UNC13C: variants seen among roughly 807,000 people sequenced by gnomAD.
The protein encoded by UNC13C is unc-13 homolog C.
UNC13C carries 174 observed loss-of-function variants against 245.4 expected under a neutral mutation model. The observed-to-expected ratio is 0.71, with a 90% CI of 0.63 to 0.80. The LOEUF (loss-of-function observed/expected upper bound fraction) is 0.80. UNC13C is among the 30% of genes least tolerant of loss of function. The probability of loss-of-function intolerance (pLI) is 0.00; values close to 1 mark genes in which losing one functional copy is unlikely to be tolerated. For missense variants in UNC13C, 2,829 were observed against 2,602.9 expected, an observed-to-expected ratio of 1.09 and a Z score of -1.89; for synonymous variants, 992 against 895.1, an observed-to-expected ratio of 1.11 and a Z score of -1.93.
the UNC13C span, among the ~76,000 whole-genome samples, chr15:53,842,900 TTA>T: frequency 0.1 from 14,580 of 145,890 alleles, 920 homozygotes; most frequent in Admixed American, 0.2. Flanking sequence ...ATTTTAAGTT[TTA>T]TATATATATA....
At chr15:54,106,977 G>A (rs1900480240) in intron 2 of UNC13C, among the ~76,000 whole-genome samples, 1 of 152,226 alleles carries the variant, frequency 6.6e-6, no homozygotes, top group South Asian at 2.1e-4. Context: ...TACTTTCAAA[G>A]TGAAGTTACA....
the UNC13C span, among the ~76,000 whole-genome samples, chr15:53,942,726 A>C: frequency 6.6e-6 from 1 of 152,184 alleles, no homozygotes; most frequent in South Asian, 2.1e-4. Flanking sequence ...TGCAGTGGCG[A>C]GATCTTGGCT....
At chr15:54,444,870 G>A (rs1890720819) in intron 19 of UNC13C, among the ~76,000 whole-genome samples, 1 of 151,604 alleles carries the variant, frequency 6.6e-6, no homozygotes, top group African/African-American at 2.4e-5. Context: ...CAACGTGCAG[G>A]TTTGTTACAT....
intron 13 of UNC13C, among the ~76,000 whole-genome samples, chr15:54,317,211 T>A (rs2038030564): frequency 1.3e-5 from 2 of 152,012 alleles, no homozygotes; most frequent in African/African-American, 4.8e-5. Context: ...GAATGTAAGT[T>A]GGACATTACT....
intron 17 of UNC13C, among the ~76,000 whole-genome samples, chr15:54,364,921 A>G (rs2039328823): frequency 6.6e-6 from 1 of 152,218 alleles, no homozygotes; most frequent in African/African-American, 2.4e-5. Flanking sequence ...GGGCATAACC[A>G]CTGTGCAGAT....
chr15:54,203,210 C>G (rs751711821), intron 4 of UNC13C, among the ~76,000 whole-genome samples: 8 of 151,646 alleles, frequency 5.3e-5, no homozygotes, highest in Non-Finnish European at 8.8e-5. Flanking sequence ...GAAAAGGGAA[C>G]ATTTTTACAC....
chr15:54,265,255 A>G (rs1463568690), intron 9 of UNC13C, 100 bp from the exon 10 acceptor site: 1 of 1,007,426 alleles, frequency 9.9e-7, no homozygotes, highest in Non-Finnish European at 1.3e-6. Context: ...ATGCATCTAT[A>G]AGCCCAAAGA....
chr15:53,921,534 G>A, the UNC13C span, among the ~76,000 whole-genome samples: 16 of 152,292 alleles, frequency 1.1e-4, no homozygotes, highest in Middle Eastern at 3.4e-3. Flanking sequence ...GTCAAATTGC[G>A]TAAGCATCTC....
intron 4 of UNC13C, among the ~76,000 whole-genome samples, chr15:54,200,475 A>T (rs1465494091): frequency 6.6e-6 from 1 of 152,006 alleles, no homozygotes; most frequent in Non-Finnish European, 1.5e-5. Flanking sequence ...AAATTGTGTC[A>T]AGTACTCTCT....
intron 4 of UNC13C, among the ~76,000 whole-genome samples, chr15:54,178,634 C>T (rs2141297961): frequency 6.6e-6 from 1 of 152,190 alleles, no homozygotes; most frequent in Middle Eastern, 3.4e-3. Flanking sequence ...AAATAATTAC[C>T]ATTTCTCAGT....
rs770037081 is a variant in UNC13C at position 54,436,283 on chromosome 15, C to T, written c.4933+21216C>T. Among the ~76,000 whole-genome samples, 26 of 151,844 alleles carry T rather than the reference C, an allele frequency of 1.7e-4. 1 individual carries two copies. The highest frequency in any genetic ancestry group is 1.1e-3 in the Admixed American group (16 of 15,224). On this transcript the variant is annotated intron_variant, in intron 19 of 32. Coordinates refer to ENST00000260323, the MANE Select transcript of UNC13C (RefSeq NM_001080534.3). ...GGACAAGTATTTCCTCTAGAAATAC[C>T]ATTTGACCCAGCAATCTCATTACTG...
At chr15:53,999,269 A>G (rs1269799708) in intron 1 of UNC13C, among the ~76,000 whole-genome samples, 5 of 151,750 alleles carry the variant, frequency 3.3e-5, no homozygotes, top group Non-Finnish European at 5.9e-5. Flanking sequence ...TATGTAAGAT[A>G]TCTATATATA....
At chr15:54,084,790 A>G (rs747867372) in intron 2 of UNC13C, among the ~76,000 whole-genome samples, 12 of 152,208 alleles carry the variant, frequency 7.9e-5, no homozygotes, top group Admixed American at 2.0e-4. Flanking sequence ...CTCTCTTCTC[A>G]TATAGATGAG....
intron 30 of UNC13C, among the ~76,000 whole-genome samples, chr15:54,595,296 G>C (rs546329882): frequency 2.0e-5 from 3 of 152,080 alleles, no homozygotes; most frequent in Non-Finnish European, 4.4e-5. Context: ...CTCCTCAGAG[G>C]CCACCCATGG....
chr15:54,122,049 G>A (rs375933670), intron 2 of UNC13C, among the ~76,000 whole-genome samples: 61 of 151,996 alleles, frequency 4.0e-4, no homozygotes, highest in East Asian at 3.9e-3. Context: ...GGTTGCTTTG[G>A]ACTTTTTAAT....
chr15:53,995,187 A>G (rs1018923947), intron 1 of UNC13C, among the ~76,000 whole-genome samples: 15 of 152,188 alleles, frequency 9.9e-5, no homozygotes, highest in Non-Finnish European at 1.9e-4. Flanking sequence ...GAATTAATGC[A>G]AAGAATAGAA....
At chr15:54,494,767 A>T (rs1362525042) in intron 20 of UNC13C, 33 bp downstream of exon 20, 1 of 1,598,260 alleles carries the variant, frequency 6.3e-7, no homozygotes, top group Non-Finnish European at 8.5e-7. Context: ...ACACCCTCAG[A>T]TCTAAATTCA....
chr15:54,583,898 C>G (rs896193897), intron 30 of UNC13C, among the ~76,000 whole-genome samples: 1 of 152,216 alleles, frequency 6.6e-6, no homozygotes, highest in Non-Finnish European at 1.5e-5. Context: ...TACTTGTTCT[C>G]TTAAATCAGC....
intron 17 of UNC13C, among the ~76,000 whole-genome samples, chr15:54,370,072 C>T (rs755291031): frequency 2.0e-5 from 3 of 152,130 alleles, no homozygotes; most frequent in Non-Finnish European, 4.4e-5. Flanking sequence ...TATTGTAGGA[C>T]TGCTATCGAG....
Sources: gnomAD v4.1 joint callset for allele counts (sites outside exome capture counted in the v4.1 genomes callset) on GRCh38, gnomAD v4.1.1 for gene constraint, MANE v1.5 for transcripts, NCBI Gene and HGNC (gene_info 2026-07-23, HGNC 2026-07-21) for gene names.